The following AMOTL1 variants were observed in gnomAD, a reference collection of about 807,000 sequenced individuals.
AMOTL1 encodes angiomotin like 1.
A neutral mutation model predicts 102.9 loss-of-function variants in AMOTL1; 45 were observed. That is an observed-to-expected ratio of 0.44 (90% confidence interval 0.34 to 0.56). The LOEUF (loss-of-function observed/expected upper bound fraction) is 0.56, where lower values mean the gene tolerates loss of function less well. AMOTL1 is among the 20% of genes least tolerant of loss of function. The probability of loss-of-function intolerance (pLI) is 0.01; values close to 1 mark genes in which losing one functional copy is unlikely to be tolerated. For synonymous variants in AMOTL1, 481 were observed against 484.7 expected, an observed-to-expected ratio of 0.99 and a Z score of 0.10; for missense variants, 1,114 against 1,225.6, an observed-to-expected ratio of 0.91 and a Z score of 1.36.
chr11:94,800,365 TTATTAGCATTTATTA>T, intron 3 of AMOTL1, 54 bp downstream of exon 3: 1 of 1,477,048 alleles, frequency 6.8e-7, no homozygotes, highest in Non-Finnish European at 9.1e-7. Flanking sequence ...AATAGTCATG[TTATTAGCATTTATTA>T]TTTTCAGAGC....
At chr11:94,770,150 G>C (rs1443690682) in intron 1 of AMOTL1, among the ~76,000 whole-genome samples, 3 of 152,138 alleles carry the variant, frequency 2.0e-5, no homozygotes, top group African/African-American at 7.2e-5. Context: ...CCGGGCAGCT[G>C]TGGAAGTCAG....
rs1212167073 is a variant in AMOTL1, at chr11:94,708,698, T to A, written c.-51+2101T>A. On this transcript the variant is annotated intron_variant, in intron 1 of 4. Transcript: ENST00000299004. ...GTATGTGTTTAAAACTATCTGTAGT[T>A]GGCATGGTAGGAAGGAGGAGTGGCA... is the stretch of plus-strand genomic sequence containing the variant. Among the ~76,000 whole-genome samples the A allele has an allele frequency of 2.0e-5, 3 of 152,328 alleles. No individual in the cohort carries two copies. In the East Asian group the frequency reaches 5.8e-4, roughly 29 times the overall value.
chr11:94,761,557 C>T (rs1950793741), intron 3 of AMOTL1, among the ~76,000 whole-genome samples: 1 of 152,052 alleles, frequency 6.6e-6, no homozygotes. Context: ...TCTCTCTCTC[C>T]CAATCCATAC....
chr11:94,757,926 G>A (rs1950746022), intron 3 of AMOTL1, among the ~76,000 whole-genome samples: 1 of 152,310 alleles, frequency 6.6e-6, no homozygotes, highest in South Asian at 2.1e-4. Flanking sequence ...GCTGAGCATG[G>A]TGGCGCATGC....
intron 3 of AMOTL1, among the ~76,000 whole-genome samples, chr11:94,761,906 GTTCT>G (rs1337750943): frequency 1.3e-5 from 2 of 152,162 alleles, no homozygotes; most frequent in Non-Finnish European, 2.9e-5. Context: ...TTCTCTCACT[GTTCT>G]TTCTATGAAC....
intron 3 of AMOTL1, among the ~76,000 whole-genome samples, chr11:94,741,747 G>C (rs1264040154): frequency 1.3e-5 from 2 of 151,958 alleles, no homozygotes; most frequent in East Asian, 1.9e-4. Context: ...TTCAAGGTTA[G>C]TTTAGCTGCT....
chr11:94,793,437 A>G (rs1486789178), intron 1 of AMOTL1, among the ~76,000 whole-genome samples: 1 of 152,238 alleles, frequency 6.6e-6, no homozygotes, highest in African/African-American at 2.4e-5. Flanking sequence ...CCTAGGCCCT[A>G]TCCTCAGAGC....
At chr11:94,845,171 G>A (rs1952383398) in intron 6 of AMOTL1, among the ~76,000 whole-genome samples, 1 of 152,204 alleles carries the variant, frequency 6.6e-6, no homozygotes, top group Non-Finnish European at 1.5e-5. Flanking sequence ...CTGGCAGTTA[G>A]GCTTAGTGCT....
At chr11:94,820,375 T>C (rs1221409271) in intron 3 of AMOTL1, 1 of 152,528 alleles carries the variant, frequency 6.6e-6, no homozygotes, top group Non-Finnish European at 1.5e-5. Flanking sequence ...CTGGCCTCTG[T>C]ACACTCCAAG....
chr11:94,833,778 G>A (rs1178234520), intron 6 of AMOTL1, among the ~76,000 whole-genome samples: 1 of 152,152 alleles, frequency 6.6e-6, no homozygotes, highest in African/African-American at 2.4e-5. Flanking sequence ...CTAAGCCAGT[G>A]GAAATAGCAA....
intron 3 of AMOTL1, among the ~76,000 whole-genome samples, chr11:94,809,502 G>A (rs1008495581): frequency 6.6e-6 from 1 of 152,198 alleles, no homozygotes; most frequent in African/African-American, 2.4e-5. Flanking sequence ...GGATCATGCT[G>A]TGATTCCTCA....
chr11:94,767,545 G>C (rs1343278781), upstream of AMOTL1, among the ~76,000 whole-genome samples: 1 of 152,186 alleles, frequency 6.6e-6, no homozygotes, highest in African/African-American at 2.4e-5. Context: ...CAACTGTACA[G>C]TTACCTAGCT....
At chr11:94,722,720 C>A (rs1950193407) in intron 1 of AMOTL1, among the ~76,000 whole-genome samples, 1 of 152,162 alleles carries the variant, frequency 6.6e-6, no homozygotes, top group Non-Finnish European at 1.5e-5. Context: ...TGCTGCATAG[C>A]AAGTGAGCTC....
rs556762248 is a variant in AMOTL1 at position 94,720,326 on chromosome 11, C to A, written c.-50-8595C>A. Among the ~76,000 whole-genome samples the A allele has an allele frequency of 4.6e-5, 7 of 152,168 alleles. No individual in the cohort carries two copies. In the East Asian group the frequency reaches 1.2e-3, roughly 25 times the overall value. The stretch of plus-strand genomic sequence containing the variant: ...TCATGACCATGAGAGGTACAGGAAT[C>A]GCATGGAAAACCAGAAACAGCGAAA... On this transcript the variant is annotated intron_variant, in intron 1 of 4. Coordinates refer to the AMOTL1 transcript ENST00000299004.
At chr11:94,746,843 C>T (rs992683903) in intron 3 of AMOTL1, among the ~76,000 whole-genome samples, 1 of 152,194 alleles carries the variant, frequency 6.6e-6, no homozygotes, top group African/African-American at 2.4e-5. Context: ...CTGCGCTACA[C>T]TGTGGCCACC....
intron 4 of AMOTL1, among the ~76,000 whole-genome samples, chr11:94,828,277 C>T (rs529895607): frequency 2.6e-5 from 4 of 152,312 alleles, no homozygotes; most frequent in South Asian, 4.1e-4. Flanking sequence ...TGATTCTACT[C>T]ATTAGTGTCT....
chr11:94,758,435 G>A (rs1239483070), intron 3 of AMOTL1, among the ~76,000 whole-genome samples: 1 of 152,212 alleles, frequency 6.6e-6, no homozygotes, highest in African/African-American at 2.4e-5. Context: ...CATCAGTGAA[G>A]AGATGCAGGA....
intron 1 of AMOTL1, among the ~76,000 whole-genome samples, chr11:94,726,196 G>T (rs897092099): frequency 6.6e-6 from 1 of 152,188 alleles, no homozygotes; most frequent in Non-Finnish European, 1.5e-5. Context: ...TTTCAGGAGA[G>T]TTCTGGTCTA....
intron 11 of AMOTL1, among the ~76,000 whole-genome samples, chr11:94,868,235 T>C (rs1952921271): frequency 6.6e-6 from 1 of 152,228 alleles, no homozygotes; most frequent in Non-Finnish European, 1.5e-5. Context: ...AAAACAGCTC[T>C]GGCGAGGATA....
Sources: gnomAD v4.1 joint callset for allele counts (sites outside exome capture counted in the v4.1 genomes callset) on GRCh38, gnomAD v4.1.1 for gene constraint, MANE v1.5 for transcripts, NCBI Gene and HGNC (gene_info 2026-07-23, HGNC 2026-07-21) for gene names.